Variants in SMYD1 observed in about 807,000 individuals in gnomAD.
The protein encoded by SMYD1 is SET and MYND domain containing 1.
A neutral mutation model predicts 54.0 loss-of-function variants in SMYD1; 49 were observed. The ratio of observed to expected loss-of-function variants is 0.91; its 90% CI spans 0.72 to 1.15. The LOEUF is 1.15. Among genes scored for constraint, SMYD1 ranks in the 50% most tolerant of loss-of-function variants. SMYD1 has a pLI of 0.00. For missense variants in SMYD1, 653 were observed against 639.6 expected (o/e 1.02, Z -0.23); for synonymous variants, 269 against 234.2 (o/e 1.15, Z -1.36).
Position 88,075,373 on chromosome 2 carries a change from G to C in SMYD1, c.137+7372G>C, listed in dbSNP as rs141051469. Among the ~76,000 whole-genome samples, 16 of 152,118 alleles carry C rather than the reference G, an allele frequency of 1.1e-4. No homozygotes were observed. In the East Asian group the frequency reaches 3.1e-3, roughly 29 times the overall value. ...GATGTGTTCTGAACATGAATTGAGG[G>C]GGGTGCTTCAGCTAGGCCATGGAAA... On this transcript the variant is annotated intron_variant, in intron 1 of 9. Transcript: ENST00000419482.
chr2:88,108,411 G>T lies in SMYD1; in HGVS notation c.1186G>T (p.Val396Leu). 1.9e-6 allele frequency: 3 copies of T among 1,609,092 alleles called. No homozygotes were observed. Among genetic ancestry groups the T allele is most frequent in the Non-Finnish European group, 2.5e-6 (3 of 1,178,050 alleles). ...HPNNAQLGMA[V>L]MRAGLTNWHA... ...CAACAATGCCCAACTGGGCATGGCCGTGATGCGGGCAGGGCTGACCAACTG... is the reference window on the plus strand; with the variant it reads ...CAACAATGCCCAACTGGGCATGGCCTTGATGCGGGCAGGGCTGACCAACTG... Residue 396 changes from valine to leucine, a missense_variant, in exon 9 of 10, where the codon GTG becomes TTG. Val to Leu is a conservative substitution (Grantham distance 32). Coordinates refer to ENST00000419482, the MANE Select transcript of SMYD1 (RefSeq NM_198274.4).
chr2:88,085,175 T>C (rs570816215), intron 2 of SMYD1, among the ~76,000 whole-genome samples: 2 of 151,940 alleles, frequency 1.3e-5, no homozygotes, highest in African/African-American at 4.8e-5. Context: ...TCTGGCAAAA[T>C]AGGCTAGAGC....
intron 8 of SMYD1, among the ~76,000 whole-genome samples, chr2:88,107,423 T>C (rs1674904349): frequency 6.6e-6 from 1 of 152,220 alleles, no homozygotes; most frequent in African/African-American, 2.4e-5. Context: ...AATACAATGC[T>C]GTCTCAAAAA....
chr2:88,096,582 C>A lies in SMYD1; in HGVS notation c.699-13C>A. The A allele has an allele frequency of 6.2e-7, 1 of 1,601,468 alleles. No homozygotes were observed. The stretch of plus-strand genomic sequence containing the variant: ...CTGGATTCGATTCACCTTTTCCTTT[C>A]ACCCTGCTTCAGAATTGAGCTCCGG... On this transcript the variant is annotated splice_polypyrimidine_tract_variant and intron_variant, in intron 5 of 9. Transcript: ENST00000419482.
At chr2:88,087,833 G>A in intron 2 of SMYD1, 29 bp from the exon 3 acceptor site, 1 of 1,520,974 alleles carries the variant, frequency 6.6e-7, no homozygotes, top group Non-Finnish European at 8.8e-7. Flanking sequence ...TGCAGCTGTA[G>A]TGGCCTCCTG....
intron 7 of SMYD1, among the ~76,000 whole-genome samples, chr2:88,105,744 C>G (rs1441076491): frequency 2.6e-5 from 4 of 152,078 alleles, no homozygotes; most frequent in African/African-American, 9.7e-5. Flanking sequence ...TGGAGACCAG[C>G]CTGGGCAACA....
chr2:88,103,111 A>G lies in SMYD1; in HGVS notation c.942A>G (p.Glu314=). Residue 314 remains glutamate, a synonymous_variant, in exon 7 of 10, where the codon GAA becomes GAG. Transcript: ENST00000419482. ...EMIQFSKDTL[E]KIDKARSEGL... is the part of the protein sequence containing the mutation. ...TACAATTCTCCAAGGATACATTGGA[A>G]AAGATAGACAAGGCTCGTTCCGAGG... is the stretch of plus-strand genomic sequence containing the variant. The G allele has an allele frequency of 6.2e-7, 1 of 1,614,158 alleles. No homozygotes were observed. Among genetic ancestry groups the G allele is most frequent in the South Asian group, 1.1e-5 (1 of 91,080 alleles).
chr2:88,085,877 C>T (rs962603070), intron 2 of SMYD1, among the ~76,000 whole-genome samples: 4 of 152,172 alleles, frequency 2.6e-5, no homozygotes, highest in African/African-American at 9.7e-5. Flanking sequence ...AGATGAAAAA[C>T]GTTCTGGAAA....
chr2:88,099,329 G>A (rs1049428656), intron 6 of SMYD1, among the ~76,000 whole-genome samples: 7 of 151,718 alleles, frequency 4.6e-5, no homozygotes, highest in African/African-American at 1.5e-4. Context: ...CAAGTGATCC[G>A]CCCGCCTCAG....
At chr2:88,072,524 GA>G (rs1673971060) in intron 1 of SMYD1, among the ~76,000 whole-genome samples, 1 of 152,180 alleles carries the variant, frequency 6.6e-6, no homozygotes, top group Non-Finnish European at 1.5e-5. Context: ...TAAAATATGG[GA>G]AAAGAAGTTT....
chr2:88,071,035 T>A (rs1482842365), intron 1 of SMYD1, among the ~76,000 whole-genome samples: 1 of 152,174 alleles, frequency 6.6e-6, no homozygotes, highest in Non-Finnish European at 1.5e-5. Context: ...TTGTTTTTGA[T>A]CTTTTAAACA....
rs943736629 is a variant in SMYD1, at chr2:88,082,713, A to G, written c.138-1603A>G. 4 of 154,438 alleles carry G rather than the reference A, an allele frequency of 2.6e-5. No homozygotes were observed. The Admixed American group carries it at 2.6e-4, about 10-fold the overall frequency. The allele number at this position is 154,438 out of a possible 1,614,324, so 9.6% of individuals were successfully genotyped here. On this transcript the variant is annotated intron_variant, in intron 1 of 9. Transcript: ENST00000419482. Reference sequence around the variant, plus strand: ...TGAGAATTCTAGAAACCATGTACAAAGAATTGTTTAAAGATCTGGGAGTAT... The same window carrying G: ...TGAGAATTCTAGAAACCATGTACAAGGAATTGTTTAAAGATCTGGGAGTAT...
chr2:88,094,432 G>C (rs1408823094), intron 5 of SMYD1, among the ~76,000 whole-genome samples: 1 of 152,152 alleles, frequency 6.6e-6, no homozygotes, highest in Non-Finnish European at 1.5e-5. Flanking sequence ...CAGATTGTTT[G>C]AGGTAGAAGG....
chr2:88,110,116 T>A (rs1245616814), intron 9 of SMYD1, among the ~76,000 whole-genome samples: 1 of 152,086 alleles, frequency 6.6e-6, no homozygotes, highest in Admixed American at 6.5e-5. Context: ...TGAGAACGGT[T>A]CCTTCAGCTA....
chr2:88,107,609 C>G (rs879744815), intron 8 of SMYD1, among the ~76,000 whole-genome samples: 1 of 152,194 alleles, frequency 6.6e-6, no homozygotes, highest in African/African-American at 2.4e-5. Context: ...AGCTTCCCAG[C>G]GGCTTTGTTT....
At chr2:88,094,734 T>C (rs1439883468) in intron 5 of SMYD1, among the ~76,000 whole-genome samples, 1 of 152,116 alleles carries the variant, frequency 6.6e-6, no homozygotes, top group Admixed American at 6.5e-5. Flanking sequence ...GGAAGTAAAA[T>C]TACTGGAAAT....
At chr2:88,091,790 G>C (rs983838125) in intron 4 of SMYD1, among the ~76,000 whole-genome samples, 1 of 152,242 alleles carries the variant, frequency 6.6e-6, no homozygotes, top group African/African-American at 2.4e-5. Context: ...CTTGACCTCA[G>C]GAGGTTGAGG....
intron 2 of SMYD1, among the ~76,000 whole-genome samples, chr2:88,087,573 C>A (rs1674360776): frequency 6.6e-6 from 1 of 152,138 alleles, no homozygotes; most frequent in African/African-American, 2.4e-5. Flanking sequence ...CTCAAATGTG[C>A]CTCCTCTGTG....
At chr2:88,084,561 C>T (rs1558850212) in intron 2 of SMYD1, 69 bp downstream of exon 2, 1 of 1,457,000 alleles carries the variant, frequency 6.9e-7, no homozygotes, top group African/African-American at 1.4e-5. Flanking sequence ...GCAGTAACAA[C>T]ATTCCCAGAT....
Sources: gnomAD v4.1 joint callset for allele counts (sites outside exome capture counted in the v4.1 genomes callset) on GRCh38, gnomAD v4.1.1 for gene constraint, MANE v1.5 for transcripts, NCBI Gene and HGNC (gene_info 2026-07-23, HGNC 2026-07-21) for gene names.